SPOCK1: variants seen among roughly 807,000 people sequenced by gnomAD.
SPOCK1 encodes SPARC (osteonectin), cwcv and kazal like domains proteoglycan 1, also known as testican-1.
A neutral mutation model predicts 55.3 loss-of-function variants in SPOCK1; 23 were observed. The observed-to-expected ratio is 0.42, with a 90% CI of 0.30 to 0.59. The LOEUF (loss-of-function observed/expected upper bound fraction) is 0.59, where lower values mean the gene tolerates loss of function less well. SPOCK1 is among the 20% of genes least tolerant of loss of function. SPOCK1 has a pLI of 0.22. For missense variants in SPOCK1, 499 were observed against 552.5 expected, an observed-to-expected ratio of 0.90 and a Z score of 0.97; for synonymous variants, 226 against 221.0, an observed-to-expected ratio of 1.02 and a Z score of -0.20.
intron 6 of SPOCK1, among the ~76,000 whole-genome samples, chr5:137,050,608 G>C (rs1054988270): frequency 6.6e-6 from 1 of 151,898 alleles, no homozygotes; most frequent in African/African-American, 2.4e-5. Flanking sequence ...CTTCTGCGTC[G>C]CTCACGCTGG....
intron 2 of SPOCK1, among the ~76,000 whole-genome samples, chr5:137,408,755 A>G (rs1752151295): frequency 6.6e-6 from 1 of 152,130 alleles, no homozygotes; most frequent in South Asian, 2.1e-4. Flanking sequence ...CCAACAGCCA[A>G]TTCCCCCTGG....
intron 5 of SPOCK1, among the ~76,000 whole-genome samples, chr5:137,085,139 G>A (rs1167447415): frequency 6.6e-6 from 1 of 152,160 alleles, no homozygotes; most frequent in Admixed American, 6.5e-5. Flanking sequence ...ATGAGGAGGT[G>A]GCAAGGCACC....
chr5:137,493,347 C>T (rs1411163683), intron 2 of SPOCK1, among the ~76,000 whole-genome samples: 7 of 152,186 alleles, frequency 4.6e-5, no homozygotes, highest in Admixed American at 6.5e-5. Context: ...GCAAGTATTA[C>T]GGGTCCATTA....
At chr5:137,375,727 AT>A (rs1580892579) in intron 2 of SPOCK1, among the ~76,000 whole-genome samples, 1 of 152,180 alleles carries the variant, frequency 6.6e-6, no homozygotes. Flanking sequence ...AAAAATAAGA[AT>A]TTTTTTAACT....
chr5:137,213,877 T>A (rs538643180), intron 3 of SPOCK1, among the ~76,000 whole-genome samples: 1 of 152,186 alleles, frequency 6.6e-6, no homozygotes, highest in Non-Finnish European at 1.5e-5. Context: ...TCATTTTAAT[T>A]CATTGTACTC....
At chr5:137,387,968 C>A (rs1751631129) in intron 2 of SPOCK1, among the ~76,000 whole-genome samples, 1 of 151,364 alleles carries the variant, frequency 6.6e-6, no homozygotes, top group Non-Finnish European at 1.5e-5. Context: ...AGTCTCCATA[C>A]AGTGATAAGA....
In SPOCK1 at chr5:137,140,599, G is replaced by T. The variant is rs199506446; in HGVS notation, c.328C>A (p.Arg110Ser). The T allele has an allele frequency of 3.7e-4, 602 of 1,613,440 alleles. 3 individuals are homozygous for T. Among genetic ancestry groups the T allele is most frequent in the South Asian group, 1.4e-3 (125 of 90,922 alleles). Residue 110 changes from arginine (R) to serine (S), a missense_variant, in exon 4 of 11, where the codon CGC (arginine) becomes AGC (serine). Transcript: ENST00000394945. ...CCTTACCTGGGGAGCAGGTGCTTGC[G>T]GCTGACACACAGGGCGGTCTGGTAG... Reference protein sequence around the residue: ...QDYQTALCVSRKHLLPRQKKG... With the variant: ...QDYQTALCVSSKHLLPRQKKG...
intron 5 of SPOCK1, among the ~76,000 whole-genome samples, chr5:137,111,225 T>C (rs1302727228): frequency 6.6e-6 from 1 of 151,994 alleles, no homozygotes; most frequent in Non-Finnish European, 1.5e-5. Flanking sequence ...CAATTGTCTG[T>C]GCAGTGGGAG....
At chr5:137,442,906 C>G (rs999482189) in intron 2 of SPOCK1, among the ~76,000 whole-genome samples, 1 of 152,198 alleles carries the variant, frequency 6.6e-6, no homozygotes, top group South Asian at 2.1e-4. Context: ...GTCATGTGAC[C>G]TGCTCAGTGG....
At chr5:137,303,929 G>A (rs549946690) in intron 2 of SPOCK1, among the ~76,000 whole-genome samples, 6 of 152,262 alleles carry the variant, frequency 3.9e-5, no homozygotes, top group South Asian at 4.1e-4. Flanking sequence ...GCCAGGAACC[G>A]GTTTGGAAAG....
chr5:137,496,413 A>C (rs1341300255), intron 2 of SPOCK1, among the ~76,000 whole-genome samples: 3 of 152,208 alleles, frequency 2.0e-5, no homozygotes, highest in African/African-American at 7.2e-5. Context: ...GAGACTAGAA[A>C]ATCTTGAACA....
chr5:137,256,100 G>A (rs1756625005), intron 3 of SPOCK1, among the ~76,000 whole-genome samples: 1 of 152,130 alleles, frequency 6.6e-6, no homozygotes, highest in Admixed American at 6.5e-5. Flanking sequence ...TTCCACTTTT[G>A]TTCTTTGGGA....
intron 8 of SPOCK1, among the ~76,000 whole-genome samples, chr5:136,986,683 G>A (rs987087657): frequency 6.6e-6 from 1 of 151,884 alleles, no homozygotes; most frequent in Non-Finnish European, 1.5e-5. Flanking sequence ...CACCAGGGAG[G>A]GAATATAGTG....
intron 6 of SPOCK1, among the ~76,000 whole-genome samples, chr5:137,056,232 A>G (rs1752295716): frequency 6.6e-6 from 1 of 152,068 alleles, no homozygotes; most frequent in African/African-American, 2.4e-5. Flanking sequence ...CTGGCAGGTG[A>G]GGGGACGCTG....
intron 2 of SPOCK1, among the ~76,000 whole-genome samples, chr5:137,466,102 T>C (rs1753615019): frequency 6.6e-6 from 1 of 152,256 alleles, no homozygotes; most frequent in Admixed American, 6.5e-5. Context: ...AGTCATGTGG[T>C]TAAATGTGCA....
At chr5:137,282,942 G>A (rs1757193876) in intron 2 of SPOCK1, among the ~76,000 whole-genome samples, 1 of 152,226 alleles carries the variant, frequency 6.6e-6, no homozygotes, top group African/African-American at 2.4e-5. Flanking sequence ...TGCATTAGGT[G>A]CTTAGACCTT....
chr5:137,400,007 A>C (rs1751940607), intron 2 of SPOCK1, among the ~76,000 whole-genome samples: 1 of 152,138 alleles, frequency 6.6e-6, no homozygotes, highest in South Asian at 2.1e-4. Flanking sequence ...AATAAACAGA[A>C]TTGCTATTTA....
intron 2 of SPOCK1, among the ~76,000 whole-genome samples, chr5:137,300,702 G>C (rs1219861113): frequency 2.3e-5 from 1 of 43,716 alleles, no homozygotes; most frequent in Non-Finnish European, 4.8e-5. Context: ...TGATTTTAGT[G>C]CTCCCCTTCT....
At chr5:137,464,428 C>T (rs1243606260) in intron 2 of SPOCK1, among the ~76,000 whole-genome samples, 1 of 151,984 alleles carries the variant, frequency 6.6e-6, no homozygotes, top group Non-Finnish European at 1.5e-5. Flanking sequence ...TATACACCTA[C>T]TATATACCCA....
Sources: allele counts gnomAD v4.1 joint callset (sites outside exome capture counted in the v4.1 genomes callset), GRCh38; gene constraint gnomAD v4.1.1; transcripts MANE v1.5; gene names NCBI Gene and HGNC (gene_info 2026-07-23, HGNC 2026-07-21).